GRID2: variants seen among roughly 807,000 people sequenced by gnomAD.
The protein encoded by GRID2 is glutamate receptor ionotropic, delta-2.
Under a neutral mutation model 114.8 loss-of-function variants are expected in GRID2, and 33 were observed. That is an observed-to-expected ratio of 0.29 (90% confidence interval 0.22 to 0.38). The LOEUF (loss-of-function observed/expected upper bound fraction) is 0.38. Ranked by LOEUF, GRID2 falls within the 10% of genes least tolerant of loss-of-function variation. The pLI is 1.00. For synonymous variants in GRID2, 505 were observed against 449.9 expected (o/e 1.12, Z -1.55); for missense variants, 1,184 against 1,257.7 (o/e 0.94, Z 0.89).
intron 7 of GRID2, among the ~76,000 whole-genome samples, chr4:93,231,301 A>C (rs2149500994): frequency 6.6e-6 from 1 of 151,704 alleles, no homozygotes; most frequent in East Asian, 1.9e-4. Context: ...TTCATGTATT[A>C]ATCACTCTTT....
At chr4:92,943,539 T>C (rs1447485191) in intron 2 of GRID2, among the ~76,000 whole-genome samples, 2 of 152,146 alleles carry the variant, frequency 1.3e-5, no homozygotes, top group African/African-American at 4.8e-5. Context: ...CTCCTTTAGC[T>C]CGGAGTAGTT....
intron 2 of GRID2, among the ~76,000 whole-genome samples, chr4:92,715,102 C>G (rs1438448535): frequency 6.6e-6 from 1 of 152,182 alleles, no homozygotes; most frequent in East Asian, 1.9e-4. Flanking sequence ...CAAGTCGCCT[C>G]TTTTGCTGTG....
At chr4:93,135,916 A>G (rs1342087075) in intron 4 of GRID2, among the ~76,000 whole-genome samples, 1 of 152,202 alleles carries the variant, frequency 6.6e-6, no homozygotes, top group Non-Finnish European at 1.5e-5. Flanking sequence ...CAATGAACTT[A>G]CCACTGCTTT....
chr4:93,093,021 G>C (rs114362929), intron 3 of GRID2, among the ~76,000 whole-genome samples: 85 of 152,118 alleles, frequency 5.6e-4, no homozygotes, highest in African/African-American at 2.0e-3. Flanking sequence ...AACACTTTCA[G>C]ATTTCAGGTC....
intron 2 of GRID2, among the ~76,000 whole-genome samples, chr4:92,670,212 T>A (rs1260103224): frequency 6.6e-6 from 1 of 152,094 alleles, no homozygotes; most frequent in Non-Finnish European, 1.5e-5. Flanking sequence ...TAATGGAATT[T>A]TCAATTAGAA....
intron 2 of GRID2, among the ~76,000 whole-genome samples, chr4:92,870,896 A>G (rs1039904909): frequency 1.3e-5 from 2 of 152,236 alleles, no homozygotes; most frequent in African/African-American, 4.8e-5. Flanking sequence ...ATATAAAATC[A>G]TATGAATAAC....
chr4:92,776,773 A>G (rs755728392), intron 2 of GRID2, among the ~76,000 whole-genome samples: 19 of 152,102 alleles, frequency 1.2e-4, no homozygotes, highest in Non-Finnish European at 2.5e-4. Context: ...TAATATATTA[A>G]CTAAAAGAAG....
intron 4 of GRID2, among the ~76,000 whole-genome samples, chr4:93,143,709 C>T (rs1735957597): frequency 6.6e-6 from 1 of 152,090 alleles, no homozygotes; most frequent in Non-Finnish European, 1.5e-5. Context: ...TTATTTAAGA[C>T]TTGAAACAAG....
rs143763709 is a variant in GRID2, at chr4:93,463,593, T to C, written c.1858+7619T>C. ...ATATGTTCCATAATTAAAATTACTA[T>C]TTTAGTATTTAACAAAAGAAAGAAG... On this transcript the variant is annotated intron_variant, in intron 11 of 15. Transcript: ENST00000282020. 6.5e-4 allele frequency among the ~76,000 whole-genome samples: 99 copies of C among 152,348 alleles called. 3 individuals carry two copies. The East Asian group carries it at 0.017, about 27-fold the overall frequency.
At chr4:92,653,647 T>G (rs1288436601) in intron 2 of GRID2, among the ~76,000 whole-genome samples, 2 of 152,076 alleles carry the variant, frequency 1.3e-5, no homozygotes, top group African/African-American at 4.8e-5. Context: ...TTGATTTTAA[T>G]GAGGACCTAT....
chr4:93,492,229 CT>C (rs1727078204), intron 12 of GRID2, among the ~76,000 whole-genome samples: 1 of 151,850 alleles, frequency 6.6e-6, no homozygotes, highest in Non-Finnish European at 1.5e-5. Flanking sequence ...TTATTGATCA[CT>C]TACAAAAAGC....
intron 13 of GRID2, among the ~76,000 whole-genome samples, chr4:93,531,746 A>G (rs1731465882): frequency 6.6e-6 from 1 of 152,130 alleles, no homozygotes; most frequent in Admixed American, 6.6e-5. Context: ...ACATTACTAC[A>G]ATATATATAC....
chr4:92,656,858 A>G (rs1248221091), intron 2 of GRID2, among the ~76,000 whole-genome samples: 2 of 151,852 alleles, frequency 1.3e-5, no homozygotes, highest in Non-Finnish European at 2.9e-5. Flanking sequence ...AAGGTAGGAA[A>G]ACAGACCAAA....
intron 2 of GRID2, among the ~76,000 whole-genome samples, chr4:93,053,540 G>C (rs1726924522): frequency 6.6e-6 from 1 of 151,748 alleles, no homozygotes. Flanking sequence ...GAATACTGAA[G>C]GGAATAAATG....
At chr4:93,175,578 T>A (rs1323161940) in intron 4 of GRID2, among the ~76,000 whole-genome samples, 1 of 152,188 alleles carries the variant, frequency 6.6e-6, no homozygotes, top group Non-Finnish European at 1.5e-5. Flanking sequence ...TTCAAAGATA[T>A]GCATCCAATA....
At chr4:92,396,236 G>T (rs1730485825) in intron 1 of GRID2, among the ~76,000 whole-genome samples, 1 of 151,798 alleles carries the variant, frequency 6.6e-6, no homozygotes, top group African/African-American at 2.4e-5. Context: ...GCATGGTACT[G>T]TTTTATTTCA....
At chr4:92,538,495 T>G (rs1248943008) in intron 1 of GRID2, among the ~76,000 whole-genome samples, 3 of 152,166 alleles carry the variant, frequency 2.0e-5, no homozygotes, top group Non-Finnish European at 4.4e-5. Context: ...CTATTGAGTC[T>G]CATGAGAAAG....
At chr4:93,012,370 C>G (rs973112663) in intron 2 of GRID2, among the ~76,000 whole-genome samples, 1 of 151,996 alleles carries the variant, frequency 6.6e-6, no homozygotes, top group African/African-American at 2.4e-5. Flanking sequence ...CTTAGCATCA[C>G]CCCCATATAC....
intron 8 of GRID2, among the ~76,000 whole-genome samples, chr4:93,256,013 AGG>A (rs1749541705): frequency 6.6e-6 from 1 of 152,138 alleles, no homozygotes; most frequent in Admixed American, 6.6e-5. Context: ...TTTTTCTATA[AGG>A]TAAATCAATT....
Sources: allele counts gnomAD v4.1 joint callset (sites outside exome capture counted in the v4.1 genomes callset), GRCh38; gene constraint gnomAD v4.1.1; transcripts MANE v1.5; gene names NCBI Gene and HGNC (gene_info 2026-07-23, HGNC 2026-07-21).